SIGLECL1: variants seen among roughly 807,000 people sequenced by gnomAD.
SIGLECL1 encodes SIGLEC family-like protein 1.
A neutral mutation model predicts 19.1 loss-of-function variants in SIGLECL1; 16 were observed. That is an observed-to-expected ratio of 0.84 (90% confidence interval 0.57 to 1.27). SIGLECL1 has a LOEUF of 1.27. Ranked by LOEUF, SIGLECL1 falls within the 50% of genes most tolerant of loss-of-function variation. The probability of loss-of-function intolerance (pLI) is 0.00; values close to 1 mark genes in which losing one functional copy is unlikely to be tolerated. For missense variants in SIGLECL1, 210 were observed against 239.4 expected, an observed-to-expected ratio of 0.88 and a Z score of 0.81; for synonymous variants, 89 against 90.4, an observed-to-expected ratio of 0.98 and a Z score of 0.09.
chr19:51,267,130 C>T (rs1451483149), intron 4 of SIGLECL1, among the ~76,000 whole-genome samples: 4 of 152,218 alleles, frequency 2.6e-5, no homozygotes, highest in Admixed American at 2.0e-4. Flanking sequence ...AACAATCTCT[C>T]TGCCAGTTGC....
intron 2 of SIGLECL1, among the ~76,000 whole-genome samples, chr19:51,264,859 C>T (rs985561175): frequency 1.3e-5 from 2 of 152,166 alleles, no homozygotes; most frequent in South Asian, 2.1e-4. Context: ...TACTTCACTA[C>T]GCACTGAGCT....
chr19:51,263,904 C>CCA lies in SIGLECL1; in HGVS notation c.-168_-167dup. On this transcript the variant is annotated 5_prime_UTR_variant, in exon 2 of 6. It removes the in-frame stop codon of an upstream open reading frame in the 5' UTR. Coordinates refer to ENST00000601727, the MANE Select transcript of SIGLECL1 (RefSeq NM_001385465.1). ...CCAGGTGAACAGGCCTTCACGATGA[C>CCA]CAGAGACAGAAGCCCCTGACTTGGC... 2.8e-6 allele frequency: 2 copies of CCA among 726,596 alleles called. No individual in the cohort carries two copies. The highest frequency in any genetic ancestry group is 4.5e-6 in the Non-Finnish European group (2 of 446,718). 45.0% of individuals were successfully genotyped at this position (726,596 alleles called of 1,614,324 possible). A position where few individuals can be genotyped will look rare whatever the true frequency, so the allele number is the denominator to read the frequency against.
upstream of SIGLECL1, among the ~76,000 whole-genome samples, chr19:51,250,416 C>T (rs1982417402): frequency 6.6e-6 from 1 of 152,190 alleles, no homozygotes; most frequent in Admixed American, 6.5e-5. Flanking sequence ...CCTGTTTTAT[C>T]AGCAAGGTCT....
chr19:51,264,136 C>G (rs1221017037), intron 2 of SIGLECL1, 42 bp downstream of exon 2: 1 of 1,612,724 alleles, frequency 6.2e-7, no homozygotes, highest in East Asian at 2.2e-5. Context: ...TGTTTGGAAG[C>G]CAAGACTCCA....
chr19:51,257,502 G>A (rs112431762), intron 1 of SIGLECL1, among the ~76,000 whole-genome samples: 2,374 of 151,942 alleles, frequency 0.016, 36 homozygotes, highest in African/African-American at 0.045. Flanking sequence ...CATAGAGATC[G>A]CTGCTATTCT....
chr19:51,253,381 T>TA (rs1159417547), intron 1 of SIGLECL1, among the ~76,000 whole-genome samples: 3 of 136,602 alleles, frequency 2.2e-5, no homozygotes, highest in South Asian at 2.1e-4. Flanking sequence ...ATTTAAAATT[T>TA]AAAAAAAAGA....
intron 1 of SIGLECL1, among the ~76,000 whole-genome samples, chr19:51,258,384 T>C (rs1345724933): frequency 6.6e-6 from 1 of 152,092 alleles, no homozygotes; most frequent in Non-Finnish European, 1.5e-5. Context: ...TCCTGGGCTG[T>C]CCTGCGGTCA....
intron 1 of SIGLECL1, among the ~76,000 whole-genome samples, chr19:51,262,734 G>C (rs887717659): frequency 2.0e-5 from 3 of 152,132 alleles, no homozygotes; most frequent in Non-Finnish European, 4.4e-5. Flanking sequence ...ATTCAAAAGA[G>C]AGTCCTTTAA....
At chr19:51,267,991 T>C (rs1983802803) in intron 5 of SIGLECL1, among the ~76,000 whole-genome samples, 1 of 152,184 alleles carries the variant, frequency 6.6e-6, no homozygotes, top group Non-Finnish European at 1.5e-5. Context: ...GCTTGGAAGA[T>C]ACAGTGTCCG....
chr19:51,267,826 T>C (rs1227204751), intron 5 of SIGLECL1, among the ~76,000 whole-genome samples: 1 of 152,206 alleles, frequency 6.6e-6, no homozygotes, highest in Admixed American at 6.5e-5. Flanking sequence ...AGTTGTAGCA[T>C]CAGAGTGGAA....
chr19:51,263,433 T>C (rs761787279), intron 1 of SIGLECL1, among the ~76,000 whole-genome samples: 3 of 152,164 alleles, frequency 2.0e-5, no homozygotes, highest in Non-Finnish European at 4.4e-5. Context: ...ATCACACCAC[T>C]GCAATCCAGA....
intron 1 of SIGLECL1, among the ~76,000 whole-genome samples, chr19:51,255,053 A>G (rs934359536): frequency 1.3e-5 from 2 of 152,152 alleles, no homozygotes; most frequent in African/African-American, 4.8e-5. Context: ...TGATGCCAGG[A>G]GTTTGAGACC....
chr19:51,256,033 G>GT (rs1221481245), intron 1 of SIGLECL1: 1 of 152,006 alleles, frequency 6.6e-6, no homozygotes, highest in Admixed American at 6.6e-5. Flanking sequence ...TGGAATCAAC[G>GT]TAAGTGTCCA....
At chr19:51,266,561 C>T (rs910974261) in intron 4 of SIGLECL1, among the ~76,000 whole-genome samples, 2 of 151,420 alleles carry the variant, frequency 1.3e-5, no homozygotes, top group African/African-American at 4.9e-5. Flanking sequence ...TGGCCCCAGG[C>T]ATTTCAGATA....
chr19:51,263,907 G>C lies in SIGLECL1; in HGVS notation c.-166G>C. On this transcript the variant is annotated 5_prime_UTR_variant, in exon 2 of 6. Transcript: ENST00000601727. ...GGTGAACAGGCCTTCACGATGACCA[G>C]AGACAGAAGCCCCTGACTTGGCTAA... 1 of 755,750 alleles carries C rather than the reference G, an allele frequency of 1.3e-6. No individual in the cohort carries two copies. The highest frequency in any genetic ancestry group is 2.5e-4 in the Middle Eastern group (1 of 4,068). 46.8% of individuals were successfully genotyped at this position (755,750 alleles called of 1,614,324 possible). A position where few individuals can be genotyped will look rare whatever the true frequency, so the allele number is the denominator to read the frequency against.
rs575803545 is a variant in SIGLECL1 at position 51,262,093 on chromosome 19, G to A, written c.-190-1790G>A. ...AGTATGTTCTCCAGCCCTGCAACTT[G>A]CATTTGTCCTCCTTAATGGTATCTT... On this transcript the variant is annotated intron_variant, in intron 1 of 5. Coordinates refer to ENST00000601727, the MANE Select transcript of SIGLECL1 (RefSeq NM_001385465.1). Among the ~76,000 whole-genome samples, 8 of 152,272 alleles carry A rather than the reference G, an allele frequency of 5.3e-5. No individual in the cohort carries two copies. In the South Asian group the frequency reaches 1.7e-3, roughly 32 times the overall value.
intron 1 of SIGLECL1, among the ~76,000 whole-genome samples, chr19:51,259,595 C>A (rs1255335731): frequency 2.0e-5 from 3 of 152,160 alleles, no homozygotes; most frequent in Non-Finnish European, 4.4e-5. Context: ...AATGGAGAGA[C>A]AACTAGCTGC....
At position 51,253,309 on chromosome 19, in the gene SIGLECL1, G is replaced by T. The variant is rs370867992; in HGVS notation, c.-191+1764G>T. Reference sequence around the variant, plus strand: ...TAAAATGAGCAAGTAGGCCTAGAGAGAGGTGAAGCTACTTGCACACTATAA... The same window carrying T: ...TAAAATGAGCAAGTAGGCCTAGAGATAGGTGAAGCTACTTGCACACTATAA... On this transcript the variant is annotated intron_variant, in intron 1 of 5. Coordinates refer to ENST00000601727, the MANE Select transcript of SIGLECL1 (RefSeq NM_001385465.1). Among the ~76,000 whole-genome samples, 28 of 152,230 alleles carry T rather than the reference G, an allele frequency of 1.8e-4. 2 individuals are homozygous for T. The highest frequency in any genetic ancestry group is 9.2e-4 in the Admixed American group (14 of 15,292).
chr19:51,259,836 G>A (rs1465136051), intron 1 of SIGLECL1, among the ~76,000 whole-genome samples: 1 of 152,182 alleles, frequency 6.6e-6, no homozygotes, highest in East Asian at 1.9e-4. Context: ...GAAGAGCTGC[G>A]AGATCCTATT....
Sources: allele counts gnomAD v4.1 joint callset (sites outside exome capture counted in the v4.1 genomes callset), GRCh38; gene constraint gnomAD v4.1.1; transcripts MANE v1.5; gene names NCBI Gene and HGNC (gene_info 2026-07-23, HGNC 2026-07-21).